The following DISC1 variants were observed in gnomAD, a reference collection of about 807,000 sequenced individuals.
DISC1 encodes DISC1 scaffold protein, also known as disrupted in schizophrenia 1 protein.
DISC1 carries 57 observed loss-of-function variants against 84.5 expected under a neutral mutation model. The observed-to-expected ratio is 0.67, with a 90% CI of 0.55 to 0.84. The LOEUF (loss-of-function observed/expected upper bound fraction) is 0.84, where lower values mean the gene tolerates loss of function less well. DISC1 is among the 40% of genes least tolerant of loss of function. The pLI is 0.00. For missense variants in DISC1, 1,000 were observed against 1,057.8 expected, an observed-to-expected ratio of 0.95 and a Z score of 0.76; for synonymous variants, 411 against 415.2, an observed-to-expected ratio of 0.99 and a Z score of 0.12.
chr1:231,663,917 C>T (rs1465096563), intron 1 of DISC1, among the ~76,000 whole-genome samples: 1 of 152,022 alleles, frequency 6.6e-6, no homozygotes, highest in Non-Finnish European at 1.5e-5. Context: ...TGATCTTAAT[C>T]CTAAGGATTA....
At chr1:231,677,202 C>T (rs532747313) in intron 1 of DISC1, among the ~76,000 whole-genome samples, 8 of 152,198 alleles carry the variant, frequency 5.3e-5, no homozygotes, top group South Asian at 2.1e-4. Flanking sequence ...TTTTTCTATT[C>T]GCCCATACCC....
intron 1 of DISC1, 21 bp from the exon 2 acceptor site, chr1:231,693,805 T>C: frequency 1.2e-6 from 2 of 1,612,502 alleles, no homozygotes; most frequent in Middle Eastern, 2.1e-4. Context: ...TTTATGGTGC[T>C]GTTTTTTCTT....
At chr1:231,713,170 G>A (rs888881787) in intron 3 of DISC1, among the ~76,000 whole-genome samples, 1 of 152,142 alleles carries the variant, frequency 6.6e-6, no homozygotes, top group Non-Finnish European at 1.5e-5. Flanking sequence ...GCAAACCCTG[G>A]GGAAGGGTGA....
At chr1:231,960,315 G>A (rs1000126144) in intron 10 of DISC1, among the ~76,000 whole-genome samples, 5 of 152,012 alleles carry the variant, frequency 3.3e-5, no homozygotes, top group African/African-American at 1.2e-4. Context: ...GTGCAATGGC[G>A]CTATCTTAGC....
intron 3 of DISC1, among the ~76,000 whole-genome samples, chr1:231,713,206 A>G (rs148438332): frequency 6.6e-6 from 1 of 152,336 alleles, no homozygotes; most frequent in East Asian, 1.9e-4. Flanking sequence ...AGTTTACATT[A>G]TAATATTTAA....
At chr1:231,828,670 CAG>C (rs1156989736) in intron 9 of DISC1, among the ~76,000 whole-genome samples, 1 of 152,186 alleles carries the variant, frequency 6.6e-6, no homozygotes, top group Non-Finnish European at 1.5e-5. Flanking sequence ...ACTTCTATAA[CAG>C]AGCCCCTGGT....
chr1:231,706,166 G>C (rs2067065984), intron 3 of DISC1, among the ~76,000 whole-genome samples: 1 of 152,140 alleles, frequency 6.6e-6, no homozygotes, highest in Non-Finnish European at 1.5e-5. Context: ...GGGAGGGCTT[G>C]GGAGAAAAAG....
intron 11 of DISC1, among the ~76,000 whole-genome samples, chr1:232,010,676 G>C (rs1667945030): frequency 6.6e-6 from 1 of 152,170 alleles, no homozygotes. Context: ...CAAAAATGAA[G>C]ACCCAAAGCA....
At chr1:232,010,822 T>C (rs1394357034) in intron 11 of DISC1, among the ~76,000 whole-genome samples, 1 of 152,170 alleles carries the variant, frequency 6.6e-6, no homozygotes, top group Non-Finnish European at 1.5e-5. Context: ...GCTCGGATTC[T>C]TCGCTGCATC....
chr1:231,785,033 T>G (rs2077723892), intron 6 of DISC1, among the ~76,000 whole-genome samples: 1 of 152,156 alleles, frequency 6.6e-6, no homozygotes. Flanking sequence ...TCCATGAATG[T>G]CCGATGGGTG....
At chr1:231,852,728 G>C (rs898782118) in intron 9 of DISC1, among the ~76,000 whole-genome samples, 9 of 152,338 alleles carry the variant, frequency 5.9e-5, no homozygotes, top group African/African-American at 2.2e-4. Context: ...CATCAGCTTT[G>C]TAATAATGAA....
In DISC1 at chr1:231,800,088, G is replaced by A. The variant is rs2079104635; in HGVS notation, c.1690-20G>A. 1 of 1,573,082 alleles carries A rather than the reference G, an allele frequency of 6.4e-7. No homozygotes were observed. Among genetic ancestry groups the A allele is most frequent in the South Asian group, 1.1e-5 (1 of 90,224 alleles). On this transcript the variant is annotated intron_variant, in intron 7 of 12. Transcript: ENST00000439617. Reference sequence around the variant, plus strand: ...TTTAGCTGAATAAATGATGATTCCTGGTCATTTCTCTCCCCCTAGGTGTGT... The same window carrying A: ...TTTAGCTGAATAAATGATGATTCCTAGTCATTTCTCTCCCCCTAGGTGTGT...
chr1:231,913,542 C>T (rs771420064), intron 9 of DISC1, among the ~76,000 whole-genome samples: 2 of 152,206 alleles, frequency 1.3e-5, no homozygotes, highest in Non-Finnish European at 2.9e-5. Context: ...AAGCAGGCGT[C>T]ACTCTCAGGG....
At chr1:231,633,072 A>C (rs889848161) in intron 1 of DISC1, among the ~76,000 whole-genome samples, 1 of 152,196 alleles carries the variant, frequency 6.6e-6, no homozygotes, top group Non-Finnish European at 1.5e-5. Context: ...CTCCGTCAAA[A>C]AAACAAACAA....
chr1:231,988,844 C>G (rs1664812066), intron 10 of DISC1, among the ~76,000 whole-genome samples: 1 of 152,220 alleles, frequency 6.6e-6, no homozygotes, highest in African/African-American at 2.4e-5. Flanking sequence ...GTTCCGTGGA[C>G]TTCAATGACA....
At chr1:231,674,039 C>G (rs924144754) in intron 1 of DISC1, among the ~76,000 whole-genome samples, 1 of 152,156 alleles carries the variant, frequency 6.6e-6, no homozygotes, top group African/African-American at 2.4e-5. Context: ...TAGCACTAAC[C>G]AGCTGTGTTA....
chr1:231,736,444 A>G (rs1315130341), intron 3 of DISC1, among the ~76,000 whole-genome samples: 1 of 152,210 alleles, frequency 6.6e-6, no homozygotes, highest in African/African-American at 2.4e-5. Flanking sequence ...CACTTTCTGC[A>G]TTTGTATTCT....
intron 3 of DISC1, among the ~76,000 whole-genome samples, chr1:231,749,700 C>A (rs1307379810): frequency 6.6e-6 from 1 of 151,996 alleles, no homozygotes; most frequent in Non-Finnish European, 1.5e-5. Context: ...CAACAATGAC[C>A]TTTGAGAGTT....
chr1:231,929,650 T>A (rs2090541208), intron 9 of DISC1, among the ~76,000 whole-genome samples: 1 of 152,202 alleles, frequency 6.6e-6, no homozygotes. Flanking sequence ...AAACAGATGA[T>A]TTTTGCAGAC....
Sources: allele counts gnomAD v4.1 joint callset (sites outside exome capture counted in the v4.1 genomes callset), GRCh38; gene constraint gnomAD v4.1.1; transcripts MANE v1.5; gene names NCBI Gene and HGNC (gene_info 2026-07-23, HGNC 2026-07-21).